The following MYLK variants were observed in gnomAD, a reference collection of about 807,000 sequenced individuals.
The protein encoded by MYLK is myosin light chain kinase, smooth muscle.
MYLK carries 106 observed loss-of-function variants against 203.4 expected under a neutral mutation model. The observed-to-expected ratio is 0.52, with a 90% CI of 0.45 to 0.61. The LOEUF (loss-of-function observed/expected upper bound fraction) is 0.61, where lower values mean the gene tolerates loss of function less well. Among genes scored for constraint, MYLK ranks in the 20% least tolerant of loss-of-function variants. The pLI is 0.00. For missense variants in MYLK, 2,072 were observed against 2,442.3 expected, an observed-to-expected ratio of 0.85 and a Z score of 3.20; for synonymous variants, 867 against 959.5, an observed-to-expected ratio of 0.90 and a Z score of 1.78.
intron 2 of MYLK, among the ~76,000 whole-genome samples, chr3:123,840,370 TTATATATA>T (rs56361020): frequency 3.1e-4 from 46 of 148,700 alleles, no homozygotes; most frequent in African/African-American, 6.1e-4. Flanking sequence ...CCTACAGACA[TTATATATA>T]TATATATATA....
intron 24 of MYLK, among the ~76,000 whole-genome samples, chr3:123,650,380 T>C (rs142556296): frequency 4.1e-4 from 63 of 151,858 alleles, no homozygotes; most frequent in Middle Eastern, 3.4e-3. Context: ...AGAGAAAGCA[T>C]AGAGGGAGGA....
chr3:123,671,853 G>A (rs1372838947), intron 20 of MYLK, among the ~76,000 whole-genome samples: 1 of 152,114 alleles, frequency 6.6e-6, no homozygotes, highest in South Asian at 2.1e-4. Context: ...TGGGACGCCT[G>A]TGACTGGCTG....
intron 30 of MYLK, among the ~76,000 whole-genome samples, chr3:123,628,287 C>G (rs1398259609): frequency 6.6e-6 from 1 of 152,196 alleles, no homozygotes; most frequent in East Asian, 1.9e-4. Flanking sequence ...TCCAATATTG[C>G]TCCTTCAGCA....
At position 123,721,769 on chromosome 3, in the gene MYLK, C is replaced by G. The variant is rs188828412; in HGVS notation, c.1804+359G>C. On this transcript the variant is annotated intron_variant, in intron 13 of 33. Transcript: ENST00000360304. ...CTGACCAGACCTGGAGCTTCTGGAG[C>G]TAAGGGAGCCCTATCTCTTTCCCCC... 6.1e-4 allele frequency among the ~76,000 whole-genome samples: 91 copies of G among 150,242 alleles called. 3 individuals carry two copies. The East Asian group carries it at 0.018, about 29-fold the overall frequency.
chr3:123,801,732 C>T (rs1411264450), intron 3 of MYLK, among the ~76,000 whole-genome samples: 1 of 152,144 alleles, frequency 6.6e-6, no homozygotes, highest in African/African-American at 2.4e-5. Context: ...TCCAGCTATA[C>T]CCATGTTGCT....
At position 123,642,076 on chromosome 3, in the gene MYLK, C is replaced by T. The variant is rs2058857817; in HGVS notation, c.4620-1572G>A. 6.6e-6 allele frequency among the ~76,000 whole-genome samples: 1 copy of T among 152,050 alleles called. No individual in the cohort carries two copies. Among genetic ancestry groups the T allele is most frequent in the Admixed American group, 6.5e-5 (1 of 15,268 alleles). ...TCTCTCTGTCACCCAGTCATAAGCT[C>T]ATGTTTCTGCAGTGGCCTGTAGGTC... On this transcript the variant is annotated intron_variant, in intron 27 of 33. Coordinates refer to ENST00000360304, the MANE Select transcript of MYLK (RefSeq NM_053025.4). The surrounding 1 kb of genome is among the most constrained non-coding windows in gnomAD (Gnocchi z 4.2).
At chr3:123,713,731 C>T (rs757590048) in intron 13 of MYLK, among the ~76,000 whole-genome samples, 4 of 151,886 alleles carry the variant, frequency 2.6e-5, no homozygotes, top group African/African-American at 4.8e-5. Flanking sequence ...AAGTAAAATA[C>T]GAAAGGACAG....
At chr3:123,752,789 G>A (rs1467624783) in intron 4 of MYLK, among the ~76,000 whole-genome samples, 2 of 152,068 alleles carry the variant, frequency 1.3e-5, no homozygotes, top group African/African-American at 2.4e-5. Flanking sequence ...TCTCAAGCCC[G>A]GCTGCATTTT....
chr3:123,718,034 G>C (rs1205837380), intron 13 of MYLK, among the ~76,000 whole-genome samples: 3 of 151,984 alleles, frequency 2.0e-5, no homozygotes, highest in Non-Finnish European at 4.4e-5. Context: ...GCTAATTTTT[G>C]TGTTTTTTGT....
intron 19 of MYLK, among the ~76,000 whole-genome samples, chr3:123,683,392 G>A (rs1179027721): frequency 6.6e-6 from 1 of 152,184 alleles, no homozygotes. Context: ...AGGACTGGCA[G>A]TCAGGGCTGA....
chr3:123,802,041 T>C (rs2065214933), intron 3 of MYLK, among the ~76,000 whole-genome samples: 1 of 152,208 alleles, frequency 6.6e-6, no homozygotes. Context: ...ACTCTCACCA[T>C]GTAATAATGT....
At chr3:123,736,044 A>G (rs2062662941) in intron 8 of MYLK, among the ~76,000 whole-genome samples, 1 of 152,198 alleles carries the variant, frequency 6.6e-6, no homozygotes, top group Non-Finnish European at 1.5e-5. Context: ...AGGGAATAGT[A>G]TTTAACTGAA....
Position 123,648,871 on chromosome 3 carries a change from G to C in MYLK, c.4415+100C>G, listed in dbSNP as rs1362420612. Reference sequence around the variant, plus strand: ...GGACTCTCAGTCTGGGGAGGAGGCAGGCCCCAGGGAGCAACAGGAAGCTGA... The same window carrying C: ...GGACTCTCAGTCTGGGGAGGAGGCACGCCCCAGGGAGCAACAGGAAGCTGA... On this transcript the variant is annotated intron_variant, in intron 26 of 33. Transcript: ENST00000360304. The surrounding 1 kb of genome is among the most constrained non-coding windows in gnomAD (Gnocchi z 4.5). 4 of 987,628 alleles carry C rather than the reference G, an allele frequency of 4.1e-6. No individual in the cohort carries two copies. The highest frequency in any genetic ancestry group is 6.5e-6 in the Non-Finnish European group (4 of 619,888). The allele number at this position is 987,628 out of a possible 1,614,324, so 61.2% of individuals were successfully genotyped here. A position where few individuals can be genotyped will look rare whatever the true frequency, so the allele number is the denominator to read the frequency against.
chr3:123,694,755 G>A (rs1161689523), intron 18 of MYLK, among the ~76,000 whole-genome samples: 1 of 152,242 alleles, frequency 6.6e-6, no homozygotes, highest in Non-Finnish European at 1.5e-5. Context: ...CATGGGGCAG[G>A]CAGCTTTTCC....
intron 18 of MYLK, among the ~76,000 whole-genome samples, chr3:123,699,499 G>A (rs1323850873): frequency 6.6e-6 from 1 of 152,226 alleles, no homozygotes; most frequent in Non-Finnish European, 1.5e-5. Flanking sequence ...TATCAAGACT[G>A]AAGTTATTGT....
intron 24 of MYLK, 104 bp from the exon 25 acceptor site, chr3:123,649,298 A>T: frequency 6.8e-7 from 1 of 1,468,142 alleles, no homozygotes. Flanking sequence ...CAGCCTCCCC[A>T]GGCAGACGAC....
At chr3:123,755,798 A>C (rs2063341497) in intron 4 of MYLK, among the ~76,000 whole-genome samples, 1 of 150,224 alleles carries the variant, frequency 6.7e-6, no homozygotes, top group Non-Finnish European at 1.5e-5. Flanking sequence ...GCCAGTAAAA[A>C]CTCTTTGGTC....
intron 17 of MYLK, among the ~76,000 whole-genome samples, chr3:123,701,226 A>G (rs2108588710): frequency 1.1e-5 from 1 of 95,036 alleles, no homozygotes; most frequent in East Asian, 3.4e-4. Flanking sequence ...GTAGCCTTAT[A>G]AGGGTGTGTG....
intron 4 of MYLK, among the ~76,000 whole-genome samples, chr3:123,775,909 C>T (rs2064057051): frequency 6.6e-6 from 1 of 152,180 alleles, no homozygotes; most frequent in Admixed American, 6.5e-5. Flanking sequence ...TGTCAGGCAT[C>T]ATGGTAGGCA....
Sources: allele counts gnomAD v4.1 joint callset (sites outside exome capture counted in the v4.1 genomes callset), GRCh38; gene constraint gnomAD v4.1.1; non-coding constraint Gnocchi (gnomAD v3.1); transcripts MANE v1.5; gene names NCBI Gene and HGNC (gene_info 2026-07-23, HGNC 2026-07-21).